Variants in S1PR5 observed in about 807,000 individuals in gnomAD.
S1PR5 encodes the protein sphingosine 1-phosphate receptor 5.
For missense variants in S1PR5, 583 were observed against 571.7 expected (o/e 1.02, Z -0.20); for synonymous variants, 307 against 284.7 (o/e 1.08, Z -0.79).
At chr19:10,515,081 C>A in intron 1 of S1PR5, 52 bp from the exon 2 acceptor site, 10 of 1,502,938 alleles carry the variant, frequency 6.7e-6, no homozygotes, top group South Asian at 2.7e-5. Flanking sequence ...TAAGCACGCT[C>A]GCAGCAGCCG....
In S1PR5 at chr19:10,513,951, G is replaced by A. The variant is rs763052741; in HGVS notation, c.1061C>T (p.Pro354Leu). Reference sequence around the variant, plus strand: ...GCCGCTGAAGCTCCCATCAAGGCCCGGGGGCAGGCAGCGGCGCAGGCCCCC... The same window carrying A: ...GCCGCTGAAGCTCCCATCAAGGCCCAGGGGCAGGCAGCGGCGCAGGCCCCC... ...ASGGLRRCLP[P>L]GLDGSFSGSE... Residue 354 changes from proline (P) to leucine (L), a missense_variant, in exon 2 of 2, where the codon CCG becomes CTG. By Grantham distance (98) the Pro-to-Leu change is moderately conservative. Coordinates refer to ENST00000333430, the MANE Select transcript of S1PR5 (RefSeq NM_030760.5). The A allele has an allele frequency of 5.6e-6, 9 of 1,599,824 alleles. 1 individual carries two copies. In the South Asian group the frequency reaches 6.7e-5, roughly 12 times the overall value.
chr19:10,514,362 C>A lies in S1PR5; in HGVS notation c.650G>T (p.Cys217Phe), dbSNP rs769740653. ...AICALYARIY[C>F]QVRANARRLP... ...GCGCCGCGCGTTGGCGCGTACCTGG[C>A]AGTAGATGCGCGCGTAGAGTGCACA... The change falls in exon 2 of 2, where the codon TGC (cysteine) becomes TTC (phenylalanine). Residue 217 changes from cysteine to phenylalanine, a missense_variant. Coordinates refer to ENST00000333430, the MANE Select transcript of S1PR5 (RefSeq NM_030760.5). The A allele has an allele frequency of 6.3e-7, 1 of 1,583,478 alleles. No homozygotes were observed. Among genetic ancestry groups the A allele is most frequent in the Non-Finnish European group, 8.6e-7 (1 of 1,166,640 alleles).
At position 10,514,947 on chromosome 19, in the gene S1PR5, G is replaced by T; in HGVS notation, c.65C>A (p.Thr22Asn). 1 of 1,605,308 alleles carries T rather than the reference G, an allele frequency of 6.2e-7. No homozygotes were observed. Residue 22 changes from threonine (T) to asparagine (N), a missense_variant, in exon 2 of 2, where the codon ACC (threonine) becomes AAC (asparagine). Coordinates refer to ENST00000333430, the MANE Select transcript of S1PR5 (RefSeq NM_030760.5). ...GTAGCGCGCACCGCGGAGCTTGCCG[G>T]TGTAGTTGTAATGCAGGACGATGAC... is the stretch of plus-strand genomic sequence containing the variant. ...SEVIVLHYNY[T>N]GKLRGARYQP... is the part of the protein sequence containing the mutation.
intron 1 of S1PR5, among the ~76,000 whole-genome samples, chr19:10,516,677 G>A (rs1915446415): frequency 6.6e-6 from 1 of 151,176 alleles, no homozygotes; most frequent in Non-Finnish European, 1.5e-5. Context: ...GAGGACAGGA[G>A]AGAGAATCCA....
chr19:10,515,104 G>A, intron 1 of S1PR5, 75 bp from the exon 2 acceptor site: 1 of 1,498,972 alleles, frequency 6.7e-7, no homozygotes. Flanking sequence ...TAAGTCGTGG[G>A]AAAGGGGCCC....
At position 10,514,682 on chromosome 19, in the gene S1PR5, T is replaced by A. The variant is rs1468048750; in HGVS notation, c.330A>T (p.Ala110=). The part of the protein sequence containing the change: ...TLKLSPALWF[A]REGGVFVALT... ...GTGCCACGAAGACGCCTCCCTCCCGTGCGAACCAGAGCGCGGGGGACAGTT... is the reference window on the plus strand; with the variant it reads ...GTGCCACGAAGACGCCTCCCTCCCGAGCGAACCAGAGCGCGGGGGACAGTT... Residue 110 remains alanine, a synonymous_variant, in exon 2 of 2, where the codon GCA becomes GCT. Transcript: ENST00000333430. The A allele has an allele frequency of 6.2e-7, 1 of 1,608,866 alleles. No homozygotes were observed. Among genetic ancestry groups the A allele is most frequent in the African/African-American group, 1.3e-5 (1 of 74,878 alleles).
chr19:10,517,609 G>A, upstream of S1PR5: 1 of 985,350 alleles, frequency 1.0e-6, no homozygotes, highest in Non-Finnish European at 1.2e-6. Context: ...ACCGGAGCGC[G>A]CCCCGGCGGC....
intron 1 of S1PR5, among the ~76,000 whole-genome samples, chr19:10,516,607 CAAAAAAAAAA>C (rs113615794): frequency 3.3e-5 from 3 of 91,824 alleles, no homozygotes; most frequent in East Asian, 3.3e-4. Flanking sequence ...AACTCCGTCT[CAAAAAAAAAA>C]AAAAAAAAAA....
At chr19:10,515,698 C>G (rs1285308003) in intron 1 of S1PR5, among the ~76,000 whole-genome samples, 2 of 151,844 alleles carry the variant, frequency 1.3e-5, no homozygotes, top group African/African-American at 2.4e-5. Context: ...GAGGCTGAGG[C>G]GGGAGGATTG....
At position 10,514,293 on chromosome 19, in the gene S1PR5, G is replaced by T. The variant is rs1915368854; in HGVS notation, c.719C>A (p.Ala240Glu). 4.5e-6 allele frequency: 7 copies of T among 1,568,432 alleles called. No individual in the cohort carries two copies. Among genetic ancestry groups the T allele is most frequent in the Non-Finnish European group, 6.0e-6 (7 of 1,157,698 alleles). Residue 240 changes from alanine (A) to glutamate (E), a missense_variant, in exon 2 of 2, where the codon GCG becomes GAG. By Grantham distance (107) the Ala-to-Glu change is moderately radical (BLOSUM62 -1). Transcript: ENST00000333430. ...PGTAGTTSTRARRKPRSLALL... is the reference protein window; with the variant it reads ...PGTAGTTSTRERRKPRSLALL... ...GGCCAGCGAGCGCGGCTTGCGACGC[G>T]CCCGGGTCGAGGTGGTCCCCGCAGT...
upstream of S1PR5, chr19:10,517,600 C>G (rs1418819493): frequency 1.0e-6 from 1 of 985,310 alleles, no homozygotes; most frequent in Non-Finnish European, 1.2e-6. Context: ...CGCCGCGGCA[C>G]CGGAGCGCGC....
In S1PR5 at chr19:10,514,301, C is replaced by G. The variant is rs773301875; in HGVS notation, c.711G>C (p.Ser237=). Residue 237 remains serine (S), a synonymous_variant, in exon 2 of 2, where the codon TCG becomes TCC. Coordinates refer to ENST00000333430, the MANE Select transcript of S1PR5 (RefSeq NM_030760.5). ...PARPGTAGTT[S]TRARRKPRSL... ...AGCGCGGCTTGCGACGCGCCCGGGT[C>G]GAGGTGGTCCCCGCAGTCCCGGGCC... 74 of 1,567,054 alleles carry G rather than the reference C, an allele frequency of 4.7e-5. No homozygotes were observed. Among genetic ancestry groups the G allele is most frequent in the African/African-American group, 3.4e-4 (25 of 73,966 alleles).
intron 1 of S1PR5, among the ~76,000 whole-genome samples, chr19:10,515,372 G>A (rs1420075868): frequency 6.6e-6 from 1 of 152,146 alleles, no homozygotes; most frequent in Non-Finnish European, 1.5e-5. Flanking sequence ...TCAGGCCTGG[G>A]AGGCCAAGGG....
In S1PR5 at chr19:10,514,122, G is replaced by A. The variant is rs952649663; in HGVS notation, c.890C>T (p.Ala297Val). 2.5e-6 allele frequency: 4 copies of A among 1,612,868 alleles called. No individual in the cohort carries two copies. The highest frequency in any genetic ancestry group is 1.7e-5 in the Admixed American group (1 of 60,004). ...GATGATGGGGTTCAGAAGTGAGTTG[G>A]CCATGGCCAGTCCCAGGAAGGGATC... ...QADPFLGLAMANSLLNPIIYT... is the reference protein window; with the variant it reads ...QADPFLGLAMVNSLLNPIIYT... The change falls in exon 2 of 2, where the codon GCC becomes GTC. Residue 297 changes from alanine to valine, a missense_variant. Physicochemically the swap from Ala to Val is moderately conservative, Grantham distance 64. Coordinates refer to ENST00000333430, the MANE Select transcript of S1PR5 (RefSeq NM_030760.5).
intron 1 of S1PR5, 116 bp downstream of exon 1, chr19:10,517,282 A>T: frequency 1.2e-6 from 1 of 801,028 alleles, no homozygotes; most frequent in Non-Finnish European, 1.5e-6. Flanking sequence ...AAAAGTTCGG[A>T]GAACTCCCTG....
rs1915355113 is a variant in S1PR5, at chr19:10,514,046, G to A, written c.966C>T (p.Cys322=). The A allele has an allele frequency of 6.2e-7, 1 of 1,611,938 alleles. No homozygotes were observed. Among genetic ancestry groups the A allele is most frequent in the East Asian group, 2.2e-5 (1 of 44,862 alleles). The change falls in exon 2 of 2, where the codon TGC becomes TGT. Residue 322 remains cysteine (C), a synonymous_variant. Transcript: ENST00000333430. ...DLRHALLRLV[C]CGRHSCGRDP... Reference sequence around the variant, plus strand: ...CTCTGCCGCAGGAGTGGCGTCCGCAGCAGACCAGGCGCAGGAGCGCGTGGC... The same window carrying A: ...CTCTGCCGCAGGAGTGGCGTCCGCAACAGACCAGGCGCAGGAGCGCGTGGC...
In S1PR5 at chr19:10,514,182, C is replaced by T. The variant is rs763804506; in HGVS notation, c.830G>A (p.Cys277Tyr). The T allele has an allele frequency of 1.1e-5, 17 of 1,612,464 alleles. No homozygotes were observed. In the East Asian group the frequency reaches 3.8e-4, roughly 36 times the overall value. ...LFLLLLLDVA[C>Y]PARTCPVLLQ... ...GAGTACAGGACAGGTGCGCGCCGGG[C>T]ACGCCACGTCGAGCAACAGCAGCAG... The change falls in exon 2 of 2, where the codon TGC becomes TAC. Residue 277 changes from cysteine (C) to tyrosine (Y), a missense_variant. Transcript: ENST00000333430.
rs1163088847 is a variant in S1PR5, at chr19:10,514,313, C to A, written c.699G>T (p.Ala233=). The A allele has an allele frequency of 1.3e-6, 2 of 1,566,960 alleles. No individual in the cohort carries two copies. The highest frequency in any genetic ancestry group is 1.7e-6 in the Non-Finnish European group (2 of 1,156,728). ...GACGCGCCCGGGTCGAGGTGGTCCC[C>A]GCAGTCCCGGGCCGTGCCGGCAGGC... is the stretch of plus-strand genomic sequence containing the variant. ...ARRLPARPGT[A]GTTSTRARRK... Residue 233 remains alanine, a synonymous_variant, in exon 2 of 2, where the codon GCG becomes GCT. Coordinates refer to ENST00000333430, the MANE Select transcript of S1PR5 (RefSeq NM_030760.5).
rs1464793855 is a variant in S1PR5, at chr19:10,514,931, A to G, written c.81T>C (p.Gly27=). ...GGCCGGCACCCGGCTGGTAGCGCGC[A>G]CCGCGGAGCTTGCCGGTGTAGTTGT... is the stretch of plus-strand genomic sequence containing the variant. ...LHYNYTGKLR[G]ARYQPGAGLR... The change falls in exon 2 of 2, where the codon GGT becomes GGC. Residue 27 remains glycine (G), a synonymous_variant. Coordinates refer to ENST00000333430, the MANE Select transcript of S1PR5 (RefSeq NM_030760.5). 3.1e-6 allele frequency: 5 copies of G among 1,608,908 alleles called. No individual in the cohort carries two copies. The highest frequency in any genetic ancestry group is 2.2e-5 in the East Asian group (1 of 44,796).
Sources: allele counts gnomAD v4.1 joint callset (sites outside exome capture counted in the v4.1 genomes callset), GRCh38; gene constraint gnomAD v4.1.1; transcripts MANE v1.5; gene names NCBI Gene and HGNC (gene_info 2026-07-23, HGNC 2026-07-21).